DNAH5: variants seen among roughly 807,000 people sequenced by gnomAD.
The protein encoded by DNAH5 is dynein axonemal heavy chain 5, also known as axonemal beta dynein heavy chain 5.
A neutral mutation model predicts 518.2 loss-of-function variants in DNAH5; 372 were observed. The ratio of observed to expected loss-of-function variants is 0.72; its 90% CI spans 0.66 to 0.78. The LOEUF (loss-of-function observed/expected upper bound fraction) is 0.78. DNAH5 is among the 30% of genes least tolerant of loss of function. DNAH5 has a pLI of 0.00. For synonymous variants in DNAH5, 2,039 were observed against 2,025.9 expected, an observed-to-expected ratio of 1.01 and a Z score of -0.17; for missense variants, 5,523 against 5,687.0, an observed-to-expected ratio of 0.97 and a Z score of 0.93.
intron 1 of DNAH5, among the ~76,000 whole-genome samples, chr5:13,938,987 C>T (rs924305717): frequency 2.6e-5 from 4 of 152,164 alleles, no homozygotes; most frequent in Non-Finnish European, 4.4e-5. Flanking sequence ...TCTTTTCTTT[C>T]TTTAAAGACA....
intron 26 of DNAH5, 118 bp downstream of exon 26, chr5:13,866,102 C>T (rs570625642): frequency 1.0e-6 from 1 of 978,154 alleles, no homozygotes; most frequent in East Asian, 2.5e-5. Flanking sequence ...ATTTTTAATG[C>T]AAGTACATAC....
rs200324586 is a variant in DNAH5 at position 13,735,247 on chromosome 5, T to C, written c.11645A>G (p.Tyr3882Cys). ...CTCCTCGTACAGCCCTCGGGCAGCA[T>C]ACTTATAAACCTCGTAGGTCATGTG... ...IEHMTYEVYK[Y>C]AARGLYEEHK... The change falls in exon 68 of 79, where the codon TAT becomes TGT. Residue 3882 changes from tyrosine (Y) to cysteine (C), a missense_variant. Physicochemically the swap from Tyr to Cys is radical, Grantham distance 194. Transcript: ENST00000265104. 141 of 1,614,118 alleles carry C rather than the reference T, an allele frequency of 8.7e-5. No homozygotes were observed. Among genetic ancestry groups the C allele is most frequent in the Non-Finnish European group, 1.1e-4 (134 of 1,180,000 alleles).
chr5:13,818,092 G>A (rs1223818841), intron 41 of DNAH5, among the ~76,000 whole-genome samples: 4 of 152,074 alleles, frequency 2.6e-5, no homozygotes, highest in African/African-American at 9.7e-5. Context: ...TATCAGCTTT[G>A]ATTTGTGTTA....
chr5:13,892,444 C>T (rs1455637067), intron 16 of DNAH5, among the ~76,000 whole-genome samples: 1 of 152,138 alleles, frequency 6.6e-6, no homozygotes, highest in East Asian at 1.9e-4. Context: ...TGCAAATGAC[C>T]ACCTGTAAGT....
At chr5:13,964,553 C>G (rs2152050454) in intron 1 of DNAH5, among the ~76,000 whole-genome samples, 1 of 152,368 alleles carries the variant, frequency 6.6e-6, no homozygotes. Flanking sequence ...CTGCACTTGA[C>G]TCTCAGCCCT....
intron 1 of DNAH5, among the ~76,000 whole-genome samples, chr5:13,952,963 A>G (rs1780526801): frequency 6.6e-6 from 1 of 152,250 alleles, no homozygotes; most frequent in African/African-American, 2.4e-5. Flanking sequence ...ACACTGTAAC[A>G]TAACTTGTGA....
intron 59 of DNAH5, among the ~76,000 whole-genome samples, chr5:13,764,915 C>T (rs1316292952): frequency 6.6e-6 from 1 of 152,162 alleles, no homozygotes; most frequent in African/African-American, 2.4e-5. Flanking sequence ...ACTTGTTAGA[C>T]TCCGCCATTA....
chr5:13,812,322 T>C (rs1760829600), intron 43 of DNAH5, among the ~76,000 whole-genome samples: 1 of 152,194 alleles, frequency 6.6e-6, no homozygotes, highest in Admixed American at 6.5e-5. Context: ...TTTTCTTTTT[T>C]TGAGACAGGA....
At chr5:13,937,676 G>C (rs1490837202) in intron 1 of DNAH5, among the ~76,000 whole-genome samples, 1 of 85,986 alleles carries the variant, frequency 1.2e-5, no homozygotes, top group Non-Finnish European at 2.3e-5. Flanking sequence ...AAGAATATTT[G>C]GTTGTTAAAG....
At chr5:14,005,853 G>C (rs1784689955) in intron 1 of DNAH5, among the ~76,000 whole-genome samples, 1 of 152,216 alleles carries the variant, frequency 6.6e-6, no homozygotes. Flanking sequence ...CAGGGTAGGA[G>C]GGAGCATCCC....
At chr5:13,952,348 G>A (rs1461077968) in intron 1 of DNAH5, among the ~76,000 whole-genome samples, 5 of 152,162 alleles carry the variant, frequency 3.3e-5, no homozygotes, top group African/African-American at 2.4e-5. Flanking sequence ...TTTAAAGCAC[G>A]CAGCAATTTC....
rs1761363842 is a variant in DNAH5 at position 13,815,701 on chromosome 5, G to A, written c.6989-855C>T. ...TGAAGGGCAAAAAGAGGAGGAAGGG[G>A]AGAGGTATATGAGGGCAGTGGGAAA... On this transcript the variant is annotated intron_variant, in intron 42 of 78. Coordinates refer to ENST00000265104, the MANE Select transcript of DNAH5 (RefSeq NM_001369.3). Among the ~76,000 whole-genome samples the A allele has an allele frequency of 2.0e-5, 3 of 152,190 alleles. No individual in the cohort carries two copies. In the South Asian group the frequency reaches 6.2e-4, roughly 32 times the overall value.
At chr5:13,943,959 C>A (rs573949533) in intron 1 of DNAH5, among the ~76,000 whole-genome samples, 1 of 152,326 alleles carries the variant, frequency 6.6e-6, no homozygotes, top group Non-Finnish European at 1.5e-5. Flanking sequence ...CTGTCTGTGA[C>A]CTCATTTGCA....
intron 32 of DNAH5, 90 bp from the exon 33 acceptor site, chr5:13,841,994 T>C (rs188281528): frequency 1.0e-5 from 8 of 787,874 alleles, no homozygotes; most frequent in Middle Eastern, 3.0e-4. Context: ...CCAAAGAAAG[T>C]AAAGCTACAG....
chr5:13,700,634 A>G lies in DNAH5; in HGVS notation c.13723+6T>C. On this transcript the variant is annotated splice_donor_region_variant and intron_variant, in intron 78 of 78. Coordinates refer to ENST00000265104, the MANE Select transcript of DNAH5 (RefSeq NM_001369.3). ...GAGCCCTTACTGAAGGTACAAGACA[A>G]CTTACTATTGTTTTCTGCATAAATC... The G allele has an allele frequency of 6.2e-7, 1 of 1,613,302 alleles. No homozygotes were observed. Among genetic ancestry groups the G allele is most frequent in the Non-Finnish European group, 8.5e-7 (1 of 1,179,202 alleles).
chr5:13,793,739 CA>C lies in DNAH5; in HGVS notation c.8011-12del. 6.2e-7 allele frequency: 1 copy of C among 1,612,514 alleles called. No individual in the cohort carries two copies. The highest frequency in any genetic ancestry group is 2.2e-5 in the East Asian group (1 of 44,884). On this transcript the variant is annotated splice_polypyrimidine_tract_variant and intron_variant, in intron 48 of 78. Transcript: ENST00000265104. ...TATCTCATTCGTAACCTACAAAAGACAACTTTCAGAATTAAAGCATCATTCC... is the reference window on the plus strand; with the variant it reads ...TATCTCATTCGTAACCTACAAAAGACACTTTCAGAATTAAAGCATCATTCC...
chr5:13,986,326 C>T (rs188503995), intron 1 of DNAH5, among the ~76,000 whole-genome samples: 1 of 152,324 alleles, frequency 6.6e-6, no homozygotes, highest in Admixed American at 6.5e-5. Flanking sequence ...CTGGTAACCT[C>T]CCCTCTACTG....
At chr5:13,952,743 G>A (rs1780510409) in intron 1 of DNAH5, among the ~76,000 whole-genome samples, 1 of 152,148 alleles carries the variant, frequency 6.6e-6, no homozygotes, top group Non-Finnish European at 1.5e-5. Flanking sequence ...ACATTGCCAA[G>A]GAGGACAAAA....
chr5:13,983,081 A>G (rs755151938), intron 1 of DNAH5, among the ~76,000 whole-genome samples: 1 of 152,204 alleles, frequency 6.6e-6, no homozygotes, highest in Non-Finnish European at 1.5e-5. Context: ...CATCAGAACC[A>G]CCGCACAAAA....
Sources: allele counts gnomAD v4.1 joint callset (sites outside exome capture counted in the v4.1 genomes callset), GRCh38; gene constraint gnomAD v4.1.1; transcripts MANE v1.5; gene names NCBI Gene and HGNC (gene_info 2026-07-23, HGNC 2026-07-21).